Variants in MND1 observed in about 807,000 individuals in gnomAD.
MND1 encodes the protein meiotic nuclear division protein 1 homolog.
In MND1, 28 loss-of-function variants were observed where a neutral mutation model predicts 35.1. The observed-to-expected ratio is 0.80, with a 90% CI of 0.59 to 1.09. MND1 has a LOEUF of 1.09. MND1 is among the 50% of genes least tolerant of loss of function. The pLI, the probability that MND1 is intolerant of heterozygous loss-of-function variation, is 0.00. For synonymous variants in MND1, 69 were observed against 70.5 expected, an observed-to-expected ratio of 0.98 and a Z score of 0.11; for missense variants, 213 against 239.6, an observed-to-expected ratio of 0.89 and a Z score of 0.73.
At chr4:153,373,791 C>T (rs1465659406) in intron 4 of MND1, among the ~76,000 whole-genome samples, 1 of 152,100 alleles carries the variant, frequency 6.6e-6, no homozygotes, top group African/African-American at 2.4e-5. Flanking sequence ...GGTTGATAGC[C>T]CTTGGCATTT....
chr4:153,389,919 C>T (rs1728972779), intron 4 of MND1, among the ~76,000 whole-genome samples: 1 of 152,148 alleles, frequency 6.6e-6, no homozygotes, highest in Non-Finnish European at 1.5e-5. Context: ...CAACTAGCAG[C>T]ATCACCTGGG....
intron 6 of MND1, among the ~76,000 whole-genome samples, chr4:153,403,070 A>C (rs549490453): frequency 6.6e-6 from 1 of 152,292 alleles, no homozygotes; most frequent in South Asian, 2.1e-4. Flanking sequence ...GAGGAGATCA[A>C]GACTGCAGTG....
chr4:153,379,863 A>C (rs144197672), intron 4 of MND1, among the ~76,000 whole-genome samples: 9,209 of 148,130 alleles, frequency 0.062, 634 homozygotes, highest in African/African-American at 0.15. Context: ...AAAAAAAAAA[A>C]AAAAAAAAAA....
At chr4:153,369,794 T>C (rs1325506341) in intron 4 of MND1, among the ~76,000 whole-genome samples, 6 of 152,128 alleles carry the variant, frequency 3.9e-5, no homozygotes, top group Admixed American at 2.6e-4. Flanking sequence ...TAGCATGTGA[T>C]GCTGTTTGAT....
intron 4 of MND1, among the ~76,000 whole-genome samples, chr4:153,365,830 C>T (rs559336361): frequency 2.0e-5 from 3 of 152,110 alleles, no homozygotes; most frequent in South Asian, 4.1e-4. Flanking sequence ...GGATTCTGGA[C>T]GTAGTTTGAA....
chr4:153,345,340 T>C, intron 1 of MND1: 1 of 985,520 alleles, frequency 1.0e-6, no homozygotes, highest in South Asian at 4.7e-5. Flanking sequence ...GGATCTTCAC[T>C]GTGTGCCAAT....
In MND1 at chr4:153,387,286, C is replaced by T. The variant is rs574175573; in HGVS notation, c.277-6976C>T. Among the ~76,000 whole-genome samples the T allele has an allele frequency of 5.2e-4, 79 of 152,116 alleles. No homozygotes were observed. In the South Asian group the frequency reaches 1.0e-2, roughly 19 times the overall value. On this transcript the variant is annotated intron_variant, in intron 4 of 7. Coordinates refer to ENST00000240488, the MANE Select transcript of MND1 (RefSeq NM_032117.4). ...CATTAAAAATACTTTGAAAACACTT[C>T]CATTGGTTGTGTAATTATGACATAT...
chr4:153,386,489 CTG>C (rs1288419162), intron 4 of MND1, among the ~76,000 whole-genome samples: 1 of 151,948 alleles, frequency 6.6e-6, no homozygotes, highest in Non-Finnish European at 1.5e-5. Context: ...CAGTGGGAGA[CTG>C]TGGATCATGA....
At chr4:153,405,870 T>C (rs192157359) in intron 6 of MND1, among the ~76,000 whole-genome samples, 1 of 152,160 alleles carries the variant, frequency 6.6e-6, no homozygotes, top group Non-Finnish European at 1.5e-5. Flanking sequence ...AGTGGCATGA[T>C]CTTGGCTCAC....
chr4:153,345,681 T>A (rs1773060579), intron 1 of MND1, among the ~76,000 whole-genome samples: 1 of 152,236 alleles, frequency 6.6e-6, no homozygotes, highest in Non-Finnish European at 1.5e-5. Context: ...GTTGCCGAGC[T>A]AAGGGGGGCA....
intron 4 of MND1, among the ~76,000 whole-genome samples, chr4:153,384,766 T>A (rs1728807823): frequency 6.6e-6 from 1 of 152,196 alleles, no homozygotes; most frequent in Non-Finnish European, 1.5e-5. Flanking sequence ...GTGGCTTCAC[T>A]TGTCCTTTAT....
At chr4:153,374,652 C>T (rs575813728) in intron 4 of MND1, among the ~76,000 whole-genome samples, 80 of 148,396 alleles carry the variant, frequency 5.4e-4, no homozygotes, top group African/African-American at 1.9e-3. Flanking sequence ...TTTTTTTTTT[C>T]ATCACTCTTC....
intron 6 of MND1, among the ~76,000 whole-genome samples, chr4:153,397,937 T>C (rs1436492803): frequency 1.3e-5 from 2 of 151,738 alleles, no homozygotes; most frequent in Non-Finnish European, 2.9e-5. Flanking sequence ...AAATATAAGG[T>C]TAGAGAACTG....
intron 7 of MND1, among the ~76,000 whole-genome samples, chr4:153,412,229 C>T (rs1729702528): frequency 6.6e-6 from 1 of 152,066 alleles, no homozygotes; most frequent in Non-Finnish European, 1.5e-5. Flanking sequence ...ATGTGTTTAT[C>T]AATATTTGAT....
intron 4 of MND1, among the ~76,000 whole-genome samples, chr4:153,387,430 A>G (rs760578269): frequency 6.6e-6 from 1 of 152,106 alleles, no homozygotes; most frequent in African/African-American, 2.4e-5. Context: ...TTTAAATGGA[A>G]TATTACCTTT....
At chr4:153,414,163 A>G (rs1174234033) in intron 7 of MND1, among the ~76,000 whole-genome samples, 2 of 152,216 alleles carry the variant, frequency 1.3e-5, no homozygotes, top group Non-Finnish European at 2.9e-5. Context: ...GGAAATGTAG[A>G]AGAGACACCA....
At chr4:153,367,855 A>G (rs1773694978) in intron 4 of MND1, among the ~76,000 whole-genome samples, 3 of 152,084 alleles carry the variant, frequency 2.0e-5, no homozygotes, top group African/African-American at 2.4e-5. Flanking sequence ...ACCTATTTGA[A>G]TTTTTGATTC....
chr4:153,361,160 A>G (rs1773481301), intron 4 of MND1, among the ~76,000 whole-genome samples: 1 of 152,190 alleles, frequency 6.6e-6, no homozygotes, highest in Non-Finnish European at 1.5e-5. Context: ...ATGGATTTAA[A>G]AACACTTCAA....
chr4:153,360,693 A>G (rs1402211829), intron 4 of MND1, among the ~76,000 whole-genome samples: 1 of 134,448 alleles, frequency 7.4e-6, no homozygotes, highest in Non-Finnish European at 1.6e-5. Flanking sequence ...AATAAATACT[A>G]TAAATATTTT....
Sources: gnomAD v4.1 joint callset for allele counts (sites outside exome capture counted in the v4.1 genomes callset) on GRCh38, gnomAD v4.1.1 for gene constraint, MANE v1.5 for transcripts, NCBI Gene and HGNC (gene_info 2026-07-23, HGNC 2026-07-21) for gene names.